Variants in CFAP58 observed in about 807,000 individuals in gnomAD.
CFAP58 encodes the protein cilia- and flagella-associated protein 58.
A neutral mutation model predicts 119.5 loss-of-function variants in CFAP58; 88 were observed. The observed-to-expected ratio is 0.74, with a 90% CI of 0.62 to 0.88. The LOEUF is 0.88. Among genes scored for constraint, CFAP58 ranks in the 40% least tolerant of loss-of-function variants. The probability of loss-of-function intolerance (pLI) is 0.00; values close to 1 mark genes in which losing one functional copy is unlikely to be tolerated. For synonymous variants in CFAP58, 365 were observed against 366.3 expected (o/e 1.00, Z 0.04); for missense variants, 990 against 1,021.2 (o/e 0.97, Z 0.42).
chr10:104,395,397 G>A (rs1359031017), intron 11 of CFAP58, among the ~76,000 whole-genome samples: 1 of 152,180 alleles, frequency 6.6e-6, no homozygotes, highest in South Asian at 2.1e-4. Context: ...TTAGGTCATC[G>A]ATTATAGGAA....
At chr10:104,348,379 G>T in the CFAP58 span, among the ~76,000 whole-genome samples, 1 of 152,164 alleles carries the variant, frequency 6.6e-6, no homozygotes, top group Non-Finnish European at 1.5e-5. Context: ...TGAACACTGG[G>T]TATAAATACT....
intron 9 of CFAP58, chr10:104,382,287 G>C (rs1386634210): frequency 2.9e-6 from 2 of 693,648 alleles, no homozygotes; most frequent in Non-Finnish European, 5.4e-6. Context: ...GGACATCCTG[G>C]GCAGGAGTGT....
chr10:104,396,418 G>GAGAGAGAGAGAGAGAGAGAGAA (rs2012160139), intron 11 of CFAP58, among the ~76,000 whole-genome samples: 1 of 102,086 alleles, frequency 9.8e-6, no homozygotes, highest in South Asian at 2.6e-4. Flanking sequence ...GAGAGAGAGA[G>GAGAGAGAGAGAGAGAGAGAGAA]AGAGAGAGAG....
intron 9 of CFAP58, chr10:104,382,091 A>T (rs143794244): frequency 2.8e-6 from 2 of 717,434 alleles, no homozygotes; most frequent in African/African-American, 3.5e-5. Context: ...TTTGCAGGTC[A>T]GCTGCATCCC....
At chr10:104,368,820 CTG>C (rs1231671940) in intron 6 of CFAP58, among the ~76,000 whole-genome samples, 2 of 152,220 alleles carry the variant, frequency 1.3e-5, no homozygotes, top group Admixed American at 1.3e-4. Flanking sequence ...ATGTCTATCT[CTG>C]TAACTAGCTT....
upstream of CFAP58, among the ~76,000 whole-genome samples, chr10:104,352,230 G>T (rs143749376): frequency 7.8e-3 from 1,185 of 152,294 alleles, 22 homozygotes; most frequent in African/African-American, 0.027. Flanking sequence ...ATCACCTTCT[G>T]GAAGGGATGG....
rs560861492 is a variant in CFAP58 at position 104,412,321 on chromosome 10, ATAG to A, written c.2256+5531_2256+5533del. 2.4e-4 allele frequency among the ~76,000 whole-genome samples: 37 copies of A among 152,122 alleles called. No individual in the cohort carries two copies. In the East Asian group the frequency reaches 6.2e-3, roughly 25 times the overall value. On this transcript the variant is annotated intron_variant, in intron 15 of 17. Coordinates refer to ENST00000369704, the MANE Select transcript of CFAP58 (RefSeq NM_001008723.2). Reference sequence around the variant, plus strand: ...GTTCTCATTAACAATGTTATTAATAATAGTATTATTATTAATATCATTAATTAC... The same window carrying A: ...GTTCTCATTAACAATGTTATTAATAATATTATTATTAATATCATTAATTAC...
In CFAP58 at chr10:104,393,483, C is replaced by T; in HGVS notation, c.1674+8C>T. 1 of 1,608,028 alleles carries T rather than the reference C, an allele frequency of 6.2e-7. No homozygotes were observed. The highest frequency in any genetic ancestry group is 8.5e-7 in the Non-Finnish European group (1 of 1,175,792). On this transcript the variant is annotated splice_region_variant and intron_variant, in intron 11 of 17. Transcript: ENST00000369704. ...GAAAAGGAAACATTGAAGGTACTGA[C>T]CTCATAGTAAAAGCAAAGTACCAAC...
intron 2 of CFAP58, among the ~76,000 whole-genome samples, chr10:104,360,423 A>G (rs1052807656): frequency 6.6e-6 from 1 of 151,650 alleles, no homozygotes; most frequent in Non-Finnish European, 1.5e-5. Context: ...AAAGTGGAGC[A>G]GACACTTCAC....
intron 15 of CFAP58, among the ~76,000 whole-genome samples, chr10:104,425,921 C>A (rs998896967): frequency 6.6e-6 from 1 of 152,128 alleles, no homozygotes; most frequent in Non-Finnish European, 1.5e-5. Flanking sequence ...GAGAAAGGAG[C>A]AAATCCATGA....
intron 16 of CFAP58, among the ~76,000 whole-genome samples, chr10:104,448,027 A>G (rs1192908343): frequency 1.3e-5 from 2 of 152,172 alleles, no homozygotes; most frequent in African/African-American, 4.8e-5. Flanking sequence ...ACCATTCTCC[A>G]TTTCCAGAAA....
At chr10:104,423,713 G>A (rs2012697739) in intron 15 of CFAP58, among the ~76,000 whole-genome samples, 1 of 152,138 alleles carries the variant, frequency 6.6e-6, no homozygotes, top group African/African-American at 2.4e-5. Flanking sequence ...CCAAACAAAA[G>A]AGATTTTCAG....
Position 104,358,479 on chromosome 10 carries a change from A to C in CFAP58, c.148A>C (p.Met50Leu), listed in dbSNP as rs779594437. The change falls in exon 2 of 18, where the codon ATG becomes CTG. Residue 50 changes from methionine (M) to leucine (L), a missense_variant. By Grantham distance (15) the Met-to-Leu change is conservative. Coordinates refer to ENST00000369704, the MANE Select transcript of CFAP58 (RefSeq NM_001008723.2). Reference protein sequence around the residue: ...RIEYERLHAVMKKSYDNEKRL... With the variant: ...RIEYERLHAVLKKSYDNEKRL... ...TGAATATGAGAGGCTTCATGCTGTC[A>C]TGAAAAAGTCTTATGACAATGAAAA... The C allele has an allele frequency of 6.2e-7, 1 of 1,614,100 alleles. No homozygotes were observed. The highest frequency in any genetic ancestry group is 8.5e-7 in the Non-Finnish European group (1 of 1,180,014).
At chr10:104,357,792 C>G (rs1189404303) in intron 1 of CFAP58, among the ~76,000 whole-genome samples, 1 of 145,820 alleles carries the variant, frequency 6.9e-6, no homozygotes, top group Non-Finnish European at 1.5e-5. Flanking sequence ...TGTTTATATA[C>G]ATATATATAC....
In CFAP58 at chr10:104,406,619, T is replaced by C. The variant is rs940208646; in HGVS notation, c.2152-70T>C. ...ACAGATTTTAATAAGACAATGTGCA[T>C]TTTACATAGAGGCCTCAGTGCTTTG... On this transcript the variant is annotated intron_variant, in intron 14 of 17. Transcript: ENST00000369704. The C allele has an allele frequency of 4.9e-6, 6 of 1,232,484 alleles. No homozygotes were observed. The African/African-American group carries it at 7.5e-5, about 15-fold the overall frequency. The allele number at this position is 1,232,484 out of a possible 1,614,324, so 76.3% of individuals were successfully genotyped here. A position where few individuals can be genotyped will look rare whatever the true frequency, so the allele number is the denominator to read the frequency against.
chr10:104,388,799 T>C (rs866896366), intron 9 of CFAP58, among the ~76,000 whole-genome samples: 3 of 152,306 alleles, frequency 2.0e-5, no homozygotes, highest in Middle Eastern at 3.4e-3. Context: ...CTCTTATTTC[T>C]ATTGGCAGGT....
intron 1 of CFAP58, among the ~76,000 whole-genome samples, chr10:104,356,451 T>C (rs965207988): frequency 6.6e-6 from 1 of 152,244 alleles, no homozygotes; most frequent in African/African-American, 2.4e-5. Flanking sequence ...AGAGTGTTGA[T>C]GCCAAGGCCC....
chr10:104,397,696 A>G (rs953880356), intron 11 of CFAP58, among the ~76,000 whole-genome samples: 16 of 152,222 alleles, frequency 1.1e-4, no homozygotes, highest in Admixed American at 2.0e-4. Flanking sequence ...TGAAACCTTA[A>G]TATTATCTTG....
intron 1 of CFAP58, among the ~76,000 whole-genome samples, chr10:104,356,924 G>T (rs2014550441): frequency 6.6e-6 from 1 of 152,164 alleles, no homozygotes; most frequent in Admixed American, 6.5e-5. Flanking sequence ...CTCAATGAAT[G>T]AATAAATATA....
Sources: allele counts gnomAD v4.1 joint callset (sites outside exome capture counted in the v4.1 genomes callset), GRCh38; gene constraint gnomAD v4.1.1; transcripts MANE v1.5; gene names NCBI Gene and HGNC (gene_info 2026-07-23, HGNC 2026-07-21).